The following PTPRD variants were observed in gnomAD, a reference collection of about 807,000 sequenced individuals.
PTPRD encodes receptor-type tyrosine-protein phosphatase delta.
In PTPRD, 34 loss-of-function variants were observed where a neutral mutation model predicts 214.5. The observed-to-expected ratio is 0.16, with a 90% CI of 0.12 to 0.21. PTPRD has a LOEUF of 0.21. PTPRD is among the 10% of genes least tolerant of loss of function. The pLI is 1.00. For synonymous variants in PTPRD, 1,128 were observed against 845.7 expected, an observed-to-expected ratio of 1.33 and a Z score of -5.79; for missense variants, 2,545 against 2,398.7, an observed-to-expected ratio of 1.06 and a Z score of -1.27.
chr9:9,337,981 G>A (rs1317969563), intron 9 of PTPRD, among the ~76,000 whole-genome samples: 1 of 152,128 alleles, frequency 6.6e-6, no homozygotes, highest in African/African-American at 2.4e-5. Context: ...AAAAACACAT[G>A]CATTAAGAGG....
intron 6 of PTPRD, among the ~76,000 whole-genome samples, chr9:9,765,007 A>G (rs953654793): frequency 3.3e-5 from 5 of 152,174 alleles, no homozygotes; most frequent in Non-Finnish European, 5.9e-5. Flanking sequence ...TCCCTGCCAA[A>G]TGTCATGCCA....
intron 10 of PTPRD, among the ~76,000 whole-genome samples, chr9:9,099,713 T>G (rs2099788684): frequency 6.6e-6 from 1 of 152,232 alleles, no homozygotes; most frequent in Non-Finnish European, 1.5e-5. Flanking sequence ...CGTCACGCTG[T>G]GTAATGGAAG....
chr9:9,005,409 TG>T (rs2099457496), intron 11 of PTPRD, among the ~76,000 whole-genome samples: 1 of 138,836 alleles, frequency 7.2e-6, no homozygotes, highest in Non-Finnish European at 1.7e-5. Context: ...AAATAATGAC[TG>T]TTATTAATGA....
At chr9:9,764,992 TTAAGTCCC>T (rs2098694709) in intron 6 of PTPRD, among the ~76,000 whole-genome samples, 1 of 152,192 alleles carries the variant, frequency 6.6e-6, no homozygotes, top group Non-Finnish European at 1.5e-5. Flanking sequence ...CTATGTTTGA[TTAAGTCCC>T]TGCCAAATGT....
At chr9:9,416,115 G>C (rs550034188) in intron 8 of PTPRD, among the ~76,000 whole-genome samples, 50 of 152,198 alleles carry the variant, frequency 3.3e-4, no homozygotes, top group African/African-American at 1.1e-3. Flanking sequence ...AATATCTCTT[G>C]AGGGCATTGC....
intron 11 of PTPRD, among the ~76,000 whole-genome samples, chr9:8,940,102 C>G (rs902344685): frequency 6.6e-6 from 1 of 150,680 alleles, no homozygotes; most frequent in East Asian, 1.9e-4. Context: ...CTTGTGAAGG[C>G]AAAGGTTTTC....
chr9:10,283,586 A>T (rs550174777), intron 3 of PTPRD, among the ~76,000 whole-genome samples: 6 of 152,238 alleles, frequency 3.9e-5, no homozygotes, highest in African/African-American at 1.4e-4. Flanking sequence ...ACTATGGTAT[A>T]ATCATCCAGA....
At chr9:10,595,014 T>A (rs915990201) in intron 2 of PTPRD, among the ~76,000 whole-genome samples, 2 of 25,948 alleles carry the variant, frequency 7.7e-5, no homozygotes, top group Non-Finnish European at 4.2e-4. Context: ...GTTGACTTAA[T>A]TATTCAAATA....
At chr9:9,724,722 C>T (rs187536289) in intron 7 of PTPRD, among the ~76,000 whole-genome samples, 12 of 152,246 alleles carry the variant, frequency 7.9e-5, no homozygotes, top group Non-Finnish European at 1.8e-4. Context: ...GTAAGCACTA[C>T]AAAAGTTGCA....
chr9:9,331,171 T>C (rs1193861037), intron 9 of PTPRD, among the ~76,000 whole-genome samples: 1 of 152,054 alleles, frequency 6.6e-6, no homozygotes, highest in Non-Finnish European at 1.5e-5. Flanking sequence ...TTAACATGCG[T>C]TCTGTTCTCT....
chr9:9,585,365 T>C (rs2091753725), intron 7 of PTPRD, among the ~76,000 whole-genome samples: 1 of 152,114 alleles, frequency 6.6e-6, no homozygotes, highest in South Asian at 2.1e-4. Flanking sequence ...TTGGTTGAAA[T>C]CTTCATCTTT....
intron 3 of PTPRD, among the ~76,000 whole-genome samples, chr9:10,129,654 C>G (rs1172969523): frequency 6.6e-6 from 1 of 151,980 alleles, no homozygotes; most frequent in African/African-American, 2.4e-5. Flanking sequence ...TCCAGATATA[C>G]TTTTCCCATG....
chr9:9,843,656 A>C (rs890205141), intron 5 of PTPRD, among the ~76,000 whole-genome samples: 1 of 152,028 alleles, frequency 6.6e-6, no homozygotes. Flanking sequence ...CAATAGATGA[A>C]TATTTCTCGA....
chr9:9,315,951 A>G, intron 9 of PTPRD, among the ~76,000 whole-genome samples: 1 of 151,070 alleles, frequency 6.6e-6, no homozygotes, highest in East Asian at 1.9e-4. Flanking sequence ...ATTAATTGAC[A>G]TATATCTGTG....
At position 9,307,241 on chromosome 9, in the gene PTPRD, A is replaced by T. The variant is rs150951622; in HGVS notation, c.-203+90208T>A. ...AACGGCTTCATTTATCACTTGTAAG[A>T]TCAAACATTTCCACTTGAGTAGCTC... On this transcript the variant is annotated intron_variant, in intron 9 of 45. Coordinates refer to ENST00000381196, the MANE Select transcript of PTPRD (RefSeq NM_002839.4). 2.0e-3 allele frequency among the ~76,000 whole-genome samples: 304 copies of T among 152,284 alleles called. 2 individuals are homozygous for T. The highest frequency in any genetic ancestry group is 6.7e-3 in the African/African-American group (279 of 41,566).
Position 9,955,526 on chromosome 9 carries a change from GTTTT to G in PTPRD, c.-471-16920_-471-16917del, listed in dbSNP as rs779657484. Among the ~76,000 whole-genome samples, 725 of 134,086 alleles carry G rather than the reference GTTTT, an allele frequency of 5.4e-3. 4 individuals are homozygous for G. Among genetic ancestry groups the G allele is most frequent in the African/African-American group, 0.017 (670 of 39,132 alleles). The allele number at this position is 134,086 out of a possible 152,430, so 88.0% of individuals were successfully genotyped here. On this transcript the variant is annotated intron_variant, in intron 4 of 45. Coordinates refer to ENST00000381196, the MANE Select transcript of PTPRD (RefSeq NM_002839.4). Reference sequence around the variant, plus strand: ...CGTTTTTTTTGTTTTGTTTTGTTTTGTTTTTTTTTTTTTTTGAGACAGAGTCTCG... The same window carrying G: ...CGTTTTTTTTGTTTTGTTTTGTTTTGTTTTTTTTTTTGAGACAGAGTCTCG...
chr9:8,567,427 C>T lies in PTPRD; in HGVS notation c.353-38648G>A, dbSNP rs2089670309. On this transcript the variant is annotated intron_variant, in intron 14 of 45. Transcript: ENST00000381196. ...GTTGTTAACGTGTCCTACTCACCTG[C>T]TTCCATAGTACCATGGGCACATGTC... Among the ~76,000 whole-genome samples, 5 of 152,176 alleles carry T rather than the reference C, an allele frequency of 3.3e-5. No individual in the cohort carries two copies. In the South Asian group the frequency reaches 1.0e-3, roughly 31 times the overall value.
At chr9:9,757,610 A>G (rs2761712) in intron 6 of PTPRD, among the ~76,000 whole-genome samples, 18,702 of 152,080 alleles carry the variant, frequency 0.12, 1,938 homozygotes, top group African/African-American at 0.28. Flanking sequence ...CAATCTTCCT[A>G]TTCTCTTTTT....
intron 11 of PTPRD, among the ~76,000 whole-genome samples, chr9:9,010,395 G>A (rs1384266190): frequency 1.3e-5 from 2 of 152,152 alleles, no homozygotes; most frequent in Non-Finnish European, 2.9e-5. Context: ...TTATCCCCCT[G>A]CTCTGTGTCT....
Sources: allele counts gnomAD v4.1 joint callset (sites outside exome capture counted in the v4.1 genomes callset), GRCh38; gene constraint gnomAD v4.1.1; transcripts MANE v1.5; gene names NCBI Gene and HGNC (gene_info 2026-07-23, HGNC 2026-07-21).